Variants in ZNF641 observed in about 807,000 individuals in gnomAD.
The protein encoded by ZNF641 is zinc finger protein 641.
In ZNF641, 26 loss-of-function variants were observed where a neutral mutation model predicts 46.2. The observed-to-expected ratio is 0.56, with a 90% CI of 0.41 to 0.78. The LOEUF (loss-of-function observed/expected upper bound fraction) is 0.78, where lower values mean the gene tolerates loss of function less well. Among genes scored for constraint, ZNF641 ranks in the 30% least tolerant of loss-of-function variants. ZNF641 has a pLI of 0.00. For missense variants in ZNF641, 469 were observed against 517.8 expected (o/e 0.91, Z 0.91); for synonymous variants, 163 against 187.9 (o/e 0.87, Z 1.09).
intron 3 of ZNF641, among the ~76,000 whole-genome samples, chr12:48,346,508 A>T (rs1952876135): frequency 6.6e-6 from 1 of 151,922 alleles, no homozygotes; most frequent in South Asian, 2.1e-4. Context: ...TCTAAACCTA[A>T]TTTCCTTTCT....
In ZNF641 at chr12:48,343,567, AGG is replaced by A; in HGVS notation, c.679_680del (p.Pro227PhefsTer6). On this transcript the variant is annotated frameshift_variant, in exon 6 of 6. Transcript: ENST00000547026. LOFTEE classifies it high-confidence loss of function. ...SSSRGMLLGP[P>X]FLQEDSFSNL... Reference sequence around the variant, plus strand: ...TTGAGAAACTATCTTCCTGAAGAAAAGGGGGCCCCAGGAGCATTCCTCTGGAG... The same window carrying A: ...TTGAGAAACTATCTTCCTGAAGAAAAGGGCCCCAGGAGCATTCCTCTGGAG... The A allele has an allele frequency of 6.2e-7, 1 of 1,604,452 alleles. No individual in the cohort carries two copies. The highest frequency in any genetic ancestry group is 8.5e-7 in the Non-Finnish European group (1 of 1,174,484).
intron 5 of ZNF641, 61 bp downstream of exon 5, chr12:48,344,538 A>G: frequency 8.9e-7 from 1 of 1,118,544 alleles, no homozygotes; most frequent in African/African-American, 1.6e-5. Context: ...TTAAACGAAC[A>G]TGGAATGATG....
chr12:48,334,872 A>G (rs935379230), downstream of ZNF641, among the ~76,000 whole-genome samples: 6 of 152,198 alleles, frequency 3.9e-5, no homozygotes, highest in African/African-American at 1.4e-4. Context: ...CCTATGGTGT[A>G]ACTAGCAGAT....
chr12:48,342,988 T>C lies in ZNF641; in HGVS notation c.1260A>G (p.Gly420=). The change falls in exon 6 of 6, where the codon GGA becomes GGG. Residue 420 remains glycine (G), a synonymous_variant. Transcript: ENST00000547026. The part of the protein sequence containing the change: ...GQSPRNSWDR[G]TSVF The stretch of plus-strand genomic sequence containing the variant: ...GAAACAGATTTCAAAAGACAGATGT[T>C]CCTCTGTCCCAGCTGTTCCGGGGAC... 1 of 1,612,166 alleles carries C rather than the reference T, an allele frequency of 6.2e-7. No homozygotes were observed. The highest frequency in any genetic ancestry group is 8.5e-7 in the Non-Finnish European group (1 of 1,178,988).
chr12:48,342,720 C>T lies in ZNF641; in HGVS notation c.*253G>A. On this transcript the variant is annotated 3_prime_UTR_variant, in exon 6 of 6. Transcript: ENST00000547026. ...GCCAGTACCACTCTCCTCTTGAGAACAGCTCAGGCTGAATATCAGCCCATG... is the reference window on the plus strand; with the variant it reads ...GCCAGTACCACTCTCCTCTTGAGAATAGCTCAGGCTGAATATCAGCCCATG... The T allele has an allele frequency of 8.1e-7, 1 of 1,228,834 alleles. No individual in the cohort carries two copies. Among genetic ancestry groups the T allele is most frequent in the Non-Finnish European group, 1.1e-6 (1 of 947,808 alleles). The allele number at this position is 1,228,834 out of a possible 1,614,324, so 76.1% of individuals were successfully genotyped here.
chr12:48,340,071 T>C lies in ZNF641; in HGVS notation c.*2902A>G. On this transcript the variant is annotated 3_prime_UTR_variant, in exon 6 of 6. Transcript: ENST00000547026. ...TATTTAAAGGGGACGGGGTGAAACATGAACATTTGAGGCTGATTCCCTGTG... is the reference window on the plus strand; with the variant it reads ...TATTTAAAGGGGACGGGGTGAAACACGAACATTTGAGGCTGATTCCCTGTG... 1.0e-6 allele frequency: 1 copy of C among 985,456 alleles called. No individual in the cohort carries two copies. The highest frequency in any genetic ancestry group is 1.2e-6 in the Non-Finnish European group (1 of 829,936). The allele number at this position is 985,456 out of a possible 1,614,324, so 61.0% of individuals were successfully genotyped here.
chr12:48,340,371 T>C lies in ZNF641; in HGVS notation c.*2602A>G. On this transcript the variant is annotated 3_prime_UTR_variant, in exon 6 of 6. Coordinates refer to ENST00000547026, the MANE Select transcript of ZNF641 (RefSeq NM_001172681.2). ...TAACATGTAGTTATAAGGGGCGTGA[T>C]CTAATAGTAAGGAATATCACTTCCC... 1.0e-6 allele frequency: 1 copy of C among 985,446 alleles called. No homozygotes were observed. The allele number at this position is 985,446 out of a possible 1,614,324, so 61.0% of individuals were successfully genotyped here. A position where few individuals can be genotyped will look rare whatever the true frequency, so the allele number is the denominator to read the frequency against.
upstream of ZNF641, chr12:48,350,966 G>T (rs997960704): frequency 3.4e-6 from 2 of 588,410 alleles, no homozygotes; most frequent in Non-Finnish European, 2.1e-6. Flanking sequence ...CGCTTCCGGG[G>T]CTCTGCGGCG....
At chr12:48,337,173 A>C (rs1259234135), downstream of ZNF641, 1 of 152,314 alleles carries the variant, frequency 6.6e-6, no homozygotes, top group Non-Finnish European at 1.5e-5. Flanking sequence ...CCTAGAGAAC[A>C]AATAAGTGAC....
rs201194739 is a variant in ZNF641 at position 48,343,771 on chromosome 12, G to A, written c.521-44C>T. ...ACCAACCCCAAGAGAAGAGTCACAA[G>A]AGAGTGCTTGAGGCCTAAGTCACAA... On this transcript the variant is annotated intron_variant, in intron 5 of 5. Coordinates refer to ENST00000547026, the MANE Select transcript of ZNF641 (RefSeq NM_001172681.2). The A allele has an allele frequency of 4.4e-4, 628 of 1,435,496 alleles. 3 individuals are homozygous for A. Among genetic ancestry groups the A allele is most frequent in the Admixed American group, 6.9e-4 (23 of 33,540 alleles). The allele number at this position is 1,435,496 out of a possible 1,614,324, so 88.9% of individuals were successfully genotyped here.
Position 48,341,025 on chromosome 12 carries a change from C to T in ZNF641, c.*1948G>A, listed in dbSNP as rs1952704716. On this transcript the variant is annotated 3_prime_UTR_variant, in exon 6 of 6. Coordinates refer to ENST00000547026, the MANE Select transcript of ZNF641 (RefSeq NM_001172681.2). The stretch of plus-strand genomic sequence containing the variant: ...AAGAATGAAGGAAGAAGGAAGGCTG[C>T]TCACAGTAGCAGAAGGGAGGCAGGG... The T allele has an allele frequency of 1.0e-6, 1 of 985,474 alleles. No individual in the cohort carries two copies. Among genetic ancestry groups the T allele is most frequent in the Non-Finnish European group, 1.2e-6 (1 of 829,952 alleles). The allele number at this position is 985,474 out of a possible 1,614,324, so 61.0% of individuals were successfully genotyped here. A position where few individuals can be genotyped will look rare whatever the true frequency, so the allele number is the denominator to read the frequency against.
Position 48,342,794 on chromosome 12 carries a change from T to C in ZNF641, c.*179A>G, listed in dbSNP as rs934454087. On this transcript the variant is annotated 3_prime_UTR_variant, in exon 6 of 6. Transcript: ENST00000547026. ...TTTTGCCCAAAGAACTCTATTTTTATGTGCTATCTCACAGAACTGGTGAGA... is the reference window on the plus strand; with the variant it reads ...TTTTGCCCAAAGAACTCTATTTTTACGTGCTATCTCACAGAACTGGTGAGA... 4.2e-6 allele frequency: 6 copies of C among 1,420,014 alleles called. No homozygotes were observed. The highest frequency in any genetic ancestry group is 4.6e-6 in the Non-Finnish European group (5 of 1,092,628). The allele number at this position is 1,420,014 out of a possible 1,614,324, so 88.0% of individuals were successfully genotyped here.
At chr12:48,351,008 T>TGGGAGGGAGAGGAGTGGGAGGGA (rs1188599976), upstream of ZNF641, 5 of 93,498 alleles carry the variant, frequency 5.3e-5, no homozygotes, top group Admixed American at 5.4e-4. Flanking sequence ...GGGAGAGGAG[T>TGGGAGGGAGAGGAGTGGGAGGGA]GGGAGGGAGA....
chr12:48,343,600 G>A lies in ZNF641; in HGVS notation c.648C>T (p.Pro216=). ...CCAGGAGCATTCCTCTGGAGCTGCT[G>A]GGCATGGAATCCCAGCTCTCATCAT... ...PEHDESWDSM[P]SSSRGMLLGP... The change falls in exon 6 of 6, where the codon CCC becomes CCT. Residue 216 remains proline (P), a synonymous_variant. Coordinates refer to ENST00000547026, the MANE Select transcript of ZNF641 (RefSeq NM_001172681.2). The A allele has an allele frequency of 1.2e-6, 2 of 1,605,332 alleles. No homozygotes were observed. The highest frequency in any genetic ancestry group is 1.1e-5 in the South Asian group (1 of 90,134).
At chr12:48,345,321 G>C (rs770118037) in intron 4 of ZNF641, 24 bp downstream of exon 4, 2 of 1,612,774 alleles carry the variant, frequency 1.2e-6, no homozygotes, top group African/African-American at 2.7e-5. Context: ...CAATCTTCTA[G>C]TGGCTGGAGA....
chr12:48,341,784 C>G lies in ZNF641; in HGVS notation c.*1189G>C. The G allele has an allele frequency of 1.0e-6, 1 of 985,460 alleles. No homozygotes were observed. Among genetic ancestry groups the G allele is most frequent in the Non-Finnish European group, 1.2e-6 (1 of 829,950 alleles). 61.0% of individuals were successfully genotyped at this position (985,460 alleles called of 1,614,324 possible). On this transcript the variant is annotated 3_prime_UTR_variant, in exon 6 of 6. Coordinates refer to ENST00000547026, the MANE Select transcript of ZNF641 (RefSeq NM_001172681.2). Reference sequence around the variant, plus strand: ...AAAGACTCCTCTTTCTCTGCCAGGGCAAAAGCAATCTGCAGCCCAGAGATT... The same window carrying G: ...AAAGACTCCTCTTTCTCTGCCAGGGGAAAAGCAATCTGCAGCCCAGAGATT...
chr12:48,344,379 G>A, intron 5 of ZNF641: 1 of 378,906 alleles, frequency 2.6e-6, no homozygotes, highest in Non-Finnish European at 4.7e-6. Context: ...ACCAAAGGGA[G>A]TTTTATTACT....
Position 48,343,553 on chromosome 12 carries a change from T to A in ZNF641, c.695A>T (p.Asp232Val), listed in dbSNP as rs1474461457. The change falls in exon 6 of 6, where the codon GAT (aspartate) becomes GTT (valine). Residue 232 changes from aspartate to valine, a missense_variant. Transcript: ENST00000547026. ...MLLGPPFLQE[D>V]SFSNLLCSTE... The stretch of plus-strand genomic sequence containing the variant: ...GCTACACAGCAGGTTTGAGAAACTA[T>A]CTTCCTGAAGAAAAGGGGGCCCCAG... 2 of 1,605,756 alleles carry A rather than the reference T, an allele frequency of 1.2e-6. No individual in the cohort carries two copies. The highest frequency in any genetic ancestry group is 1.7e-6 in the Non-Finnish European group (2 of 1,174,680).
rs573812957 is a variant in ZNF641, at chr12:48,340,023, A to G, written c.*2950T>C. On this transcript the variant is annotated 3_prime_UTR_variant, in exon 6 of 6. Coordinates refer to ENST00000547026, the MANE Select transcript of ZNF641 (RefSeq NM_001172681.2). ...GATATCCCTGTTTTACATTTTGCCC[A>G]AAGAGAACACAGAGATTCTTTTTAT... 4 of 985,372 alleles carry G rather than the reference A, an allele frequency of 4.1e-6. No homozygotes were observed. The highest frequency in any genetic ancestry group is 4.8e-6 in the Non-Finnish European group (4 of 829,950). The allele number at this position is 985,372 out of a possible 1,614,324, so 61.0% of individuals were successfully genotyped here.
Sources: gnomAD v4.1 joint callset for allele counts (sites outside exome capture counted in the v4.1 genomes callset) on GRCh38, gnomAD v4.1.1 for gene constraint, MANE v1.5 for transcripts, NCBI Gene and HGNC (gene_info 2026-07-23, HGNC 2026-07-21) for gene names.